MACF1: variants seen among roughly 807,000 people sequenced by gnomAD.
The protein encoded by MACF1 is microtubule-actin cross-linking factor 1.
MACF1 carries 193 observed loss-of-function variants against 854.8 expected under a neutral mutation model. The observed-to-expected ratio is 0.23, with a 90% CI of 0.20 to 0.25. The LOEUF (loss-of-function observed/expected upper bound fraction) is 0.25, where lower values mean the gene tolerates loss of function less well. Ranked by LOEUF, MACF1 falls within the 10% of genes least tolerant of loss-of-function variation. The pLI, the probability that MACF1 is intolerant of heterozygous loss-of-function variation, is 1.00. For missense variants in MACF1, 7,722 were observed against 8,929.1 expected, an observed-to-expected ratio of 0.86 and a Z score of 5.45; for synonymous variants, 3,185 against 3,226.7, an observed-to-expected ratio of 0.99 and a Z score of 0.44.
chr1:39,222,030 A>G (rs565337089), intron 1 of MACF1, among the ~76,000 whole-genome samples: 1 of 152,314 alleles, frequency 6.6e-6, no homozygotes, highest in Non-Finnish European at 1.5e-5. Flanking sequence ...TGCTAACTGC[A>G]TGGTATGGTC....
rs191257798 is a variant in MACF1, at chr1:39,084,702, A to C, written c.220+264A>C. The stretch of plus-strand genomic sequence containing the variant: ...TCCCTGTCTTTGTCCCCATTCAGTT[A>C]TATTTTCTATGCAGTTGCCTTCATG... On this transcript the variant is annotated intron_variant, in intron 2 of 93. Coordinates refer to the MACF1 transcript ENST00000361689. The surrounding 1 kb of genome is among the most constrained non-coding windows in gnomAD (Gnocchi z 5.2). Among the ~76,000 whole-genome samples, 172 of 152,312 alleles carry C rather than the reference A, an allele frequency of 1.1e-3. No homozygotes were observed. Among genetic ancestry groups the C allele is most frequent in the African/African-American group, 4.0e-3 (168 of 41,592 alleles).
At chr1:39,390,736 C>T (rs1020679084) in intron 58 of MACF1, among the ~76,000 whole-genome samples, 2 of 152,166 alleles carry the variant, frequency 1.3e-5, no homozygotes, top group Non-Finnish European at 2.9e-5. Flanking sequence ...TGCATCCAGG[C>T]TATTTAGAAT....
chr1:39,340,994 A>G (rs754041308), intron 40 of MACF1, 41 bp downstream of exon 40: 7 of 1,518,246 alleles, frequency 4.6e-6, no homozygotes, highest in East Asian at 2.3e-5. Flanking sequence ...GAGTTGTATC[A>G]ATTTTATTTC....
At chr1:39,157,314 T>C (rs1425528989) in intron 2 of MACF1, among the ~76,000 whole-genome samples, 2 of 152,200 alleles carry the variant, frequency 1.3e-5, no homozygotes, top group Non-Finnish European at 2.9e-5. Context: ...TAGCCTGATC[T>C]TTTTAGGTGG....
chr1:39,327,890 C>T (rs1410869362), intron 36 of MACF1, among the ~76,000 whole-genome samples: 1 of 152,196 alleles, frequency 6.6e-6, no homozygotes, highest in African/African-American at 2.4e-5. Context: ...TATTCATTTC[C>T]TGGACCATGT....
At chr1:39,437,388 G>A (rs1644003802) in intron 70 of MACF1, among the ~76,000 whole-genome samples, 1 of 151,324 alleles carries the variant, frequency 6.6e-6, no homozygotes, top group South Asian at 2.1e-4. Flanking sequence ...TCAGCTCACT[G>A]CAACCTCTGC....
intron 2 of MACF1, among the ~76,000 whole-genome samples, chr1:39,143,093 C>G (rs1487100554): frequency 6.6e-6 from 1 of 152,160 alleles, no homozygotes; most frequent in East Asian, 1.9e-4. Flanking sequence ...CATCTCAGTC[C>G]AAATGGAATG....
At chr1:39,233,509 G>A (rs1312712846) in intron 2 of MACF1, among the ~76,000 whole-genome samples, 1 of 152,198 alleles carries the variant, frequency 6.6e-6, no homozygotes, top group Admixed American at 6.5e-5. Flanking sequence ...AACACAGAAA[G>A]TCTGATGGGC....
At chr1:39,296,751 A>AAAGGAAGGAAGGAAGGAAGGAAGGAAGG (rs1305821871) in intron 20 of MACF1, among the ~76,000 whole-genome samples, 1 of 93,648 alleles carries the variant, frequency 1.1e-5, no homozygotes, top group East Asian at 3.0e-4. Context: ...AGAAAGAAAG[A>AAAGGAAGGAAGGAAGGAAGGAAGGAAGG]AAGGAAGGAA....
At chr1:39,345,404 G>C (rs1230448760) in intron 40 of MACF1, among the ~76,000 whole-genome samples, 1 of 151,866 alleles carries the variant, frequency 6.6e-6, no homozygotes, top group South Asian at 2.1e-4. Context: ...AAGCCCGGGA[G>C]TTTGAGACCA....
chr1:39,128,285 C>G (rs567043823), intron 2 of MACF1, among the ~76,000 whole-genome samples: 1 of 151,988 alleles, frequency 6.6e-6, no homozygotes, highest in Admixed American at 6.6e-5. Flanking sequence ...TCACAGGCAC[C>G]ATCATAGCAC....
Position 39,315,614 on chromosome 1 carries a change from A to T in MACF1, c.3372A>T (p.Pro1124=). Residue 1124 remains proline, a synonymous_variant, in exon 27 of 101, where the codon CCA becomes CCT. Coordinates refer to ENST00000564288, the MANE Select transcript of MACF1 (RefSeq NM_001394062.1). ...AGTCTCCATCTAGTTCAAGTGTCCC[A>T]ACTCTGCGCTCAGAACTGAATCTGC... ...LHQSPSSSSV[P]TLRSELNLLV... is the part of the protein sequence containing the mutation. 1 of 1,614,132 alleles carries T rather than the reference A, an allele frequency of 6.2e-7. No homozygotes were observed. The highest frequency in any genetic ancestry group is 8.5e-7 in the Non-Finnish European group (1 of 1,179,996).
At chr1:39,414,774 T>C (rs575019864) in intron 58 of MACF1, among the ~76,000 whole-genome samples, 1 of 152,298 alleles carries the variant, frequency 6.6e-6, no homozygotes, top group South Asian at 2.1e-4. Flanking sequence ...CAGGAAAGGG[T>C]CATTCTGTTT....
chr1:39,329,234 A>G (rs1011602921), intron 36 of MACF1, among the ~76,000 whole-genome samples: 8 of 152,222 alleles, frequency 5.3e-5, no homozygotes, highest in African/African-American at 1.9e-4. Context: ...TCTGTCAGTT[A>G]TTCCATTGAT....
Position 39,336,601 on chromosome 1 carries a change from C to G in MACF1, c.10013C>G (p.Pro3338Arg), listed in dbSNP as rs759529584. The G allele has an allele frequency of 6.2e-7, 1 of 1,613,678 alleles. No individual in the cohort carries two copies. The highest frequency in any genetic ancestry group is 8.5e-7 in the Non-Finnish European group (1 of 1,179,946). ...GAACAAACTCCCTTCATGACTGCAC[C>G]TGAAGGAAAGGGAAATGGAGGTGTA... is the stretch of plus-strand genomic sequence containing the variant. ...GSEQTPFMTAPEGKGNGGVNP... is the reference protein window; with the variant it reads ...GSEQTPFMTAREGKGNGGVNP... Residue 3338 changes from proline to arginine, a missense_variant, in exon 37 of 101, where the codon CCT (proline) becomes CGT (arginine). Transcript: ENST00000564288.
At chr1:39,312,877 C>T (rs1053429974) in intron 26 of MACF1, among the ~76,000 whole-genome samples, 1 of 152,104 alleles carries the variant, frequency 6.6e-6, no homozygotes, top group Non-Finnish European at 1.5e-5. Flanking sequence ...TATCCAAGCT[C>T]ACGCCTCATT....
Position 39,380,271 on chromosome 1 carries a change from T to G in MACF1, c.13546T>G (p.Ser4516Ala), listed in dbSNP as rs1284545521. Reference protein sequence around the residue: ...KAFLAELEQNSPKIQKVKEAL... With the variant: ...KAFLAELEQNAPKIQKVKEAL... ...CTTCCTGGCTGAGTTGGAACAGAATTCTCCAAAAATTCAAAAAGTAAAGGA... is the reference window on the plus strand; with the variant it reads ...CTTCCTGGCTGAGTTGGAACAGAATGCTCCAAAAATTCAAAAAGTAAAGGA... The change falls in exon 55 of 101, where the codon TCT becomes GCT. Residue 4516 changes from serine (S) to alanine (A), a missense_variant. Physicochemically the swap from Ser to Ala is moderately conservative, Grantham distance 99. Around this residue, in one of 15 missense-constraint regions of MACF1, gnomAD observed 2,807 missense variants for 3,235.8 expected, o/e 0.87. Coordinates refer to ENST00000564288, the MANE Select transcript of MACF1 (RefSeq NM_001394062.1). The G allele has an allele frequency of 1.2e-6, 2 of 1,613,566 alleles. No individual in the cohort carries two copies. The highest frequency in any genetic ancestry group is 2.2e-5 in the South Asian group (2 of 91,026).
rs540647975 is a variant in MACF1, at chr1:39,266,430, A to G, written c.528+8402A>G. ...TTTCTTACTATAGTTTGTGATGGCC[A>G]TAAGATGGTGCTGCAGTTTTGCAGT... On this transcript the variant is annotated intron_variant, in intron 6 of 100. Transcript: ENST00000564288. Among the ~76,000 whole-genome samples, 5 of 152,250 alleles carry G rather than the reference A, an allele frequency of 3.3e-5. 1 individual carries two copies. In the South Asian group the frequency reaches 1.0e-3, roughly 32 times the overall value.
chr1:39,175,408 A>G (rs960047912), intron 2 of MACF1, among the ~76,000 whole-genome samples: 3 of 152,244 alleles, frequency 2.0e-5, no homozygotes, highest in African/African-American at 7.2e-5. Flanking sequence ...AATGCTCACA[A>G]TGTGAAGAGG....
Sources: allele counts gnomAD v4.1 joint callset (sites outside exome capture counted in the v4.1 genomes callset), GRCh38; gene constraint gnomAD v4.1.1; regional missense constraint gnomAD v4.1.1; non-coding constraint Gnocchi (gnomAD v3.1); transcripts MANE v1.5; gene names NCBI Gene and HGNC (gene_info 2026-07-23, HGNC 2026-07-21).